Variants in CAMSAP1 observed in about 807,000 individuals in gnomAD.
CAMSAP1 encodes the protein calmodulin-regulated spectrin-associated protein 1.
A neutral mutation model predicts 143.5 loss-of-function variants in CAMSAP1; 58 were observed. That is an observed-to-expected ratio of 0.40 (90% confidence interval 0.33 to 0.50). The LOEUF (loss-of-function observed/expected upper bound fraction) is 0.50. CAMSAP1 is among the 20% of genes least tolerant of loss of function. The probability of loss-of-function intolerance (pLI) is 0.45; values close to 1 mark genes in which losing one functional copy is unlikely to be tolerated. For missense variants in CAMSAP1, 1,969 were observed against 2,115.7 expected, an observed-to-expected ratio of 0.93 and a Z score of 1.36; for synonymous variants, 945 against 859.3, an observed-to-expected ratio of 1.10 and a Z score of -1.74.
Position 135,836,281 on chromosome 9 carries a change from A to G in CAMSAP1, c.1046-8697T>C, listed in dbSNP as rs531523419. ...ACCTTTACCCATTCCGCAGCCACACATCACCACGTACCTTCTACCCTGTTC... is the reference window on the plus strand; with the variant it reads ...ACCTTTACCCATTCCGCAGCCACACGTCACCACGTACCTTCTACCCTGTTC... On this transcript the variant is annotated intron_variant, in intron 7 of 16. Transcript: ENST00000389532. 7.1e-6 allele frequency: 7 copies of G among 984,326 alleles called. No individual in the cohort carries two copies. In the South Asian group the frequency reaches 2.8e-4, roughly 40 times the overall value. The allele number at this position is 984,326 out of a possible 1,614,324, so 61.0% of individuals were successfully genotyped here. A position where few individuals can be genotyped will look rare whatever the true frequency, so the allele number is the denominator to read the frequency against.
intron 4 of CAMSAP1, among the ~76,000 whole-genome samples, chr9:135,863,668 T>G (rs1837276494): frequency 6.6e-6 from 1 of 152,198 alleles, no homozygotes; most frequent in Non-Finnish European, 1.5e-5. Context: ...TAACACATTC[T>G]CTTAAATTTA....
intron 7 of CAMSAP1, among the ~76,000 whole-genome samples, chr9:135,838,652 ACAT>A (rs1425242777): frequency 4.6e-4 from 68 of 147,070 alleles, no homozygotes; most frequent in African/African-American, 1.6e-3. Flanking sequence ...CTACAGACAC[ACAT>A]CATCACGCAC....
At chr9:135,834,356 A>G (rs1835947108) in intron 7 of CAMSAP1, among the ~76,000 whole-genome samples, 1 of 152,224 alleles carries the variant, frequency 6.6e-6, no homozygotes, top group Non-Finnish European at 1.5e-5. Context: ...GTGCACTCCC[A>G]TGTTTACTGC....
chr9:135,822,209 CA>C lies in CAMSAP1; in HGVS notation c.2451del (p.Phe817LeufsTer36). On this transcript the variant is annotated frameshift_variant, in exon 11 of 17. Coordinates refer to ENST00000389532, the MANE Select transcript of CAMSAP1 (RefSeq NM_015447.4). LOFTEE classifies it high-confidence loss of function. This position sits in a 1 kb window ranked among gnomAD's most constrained non-coding sequence, Gnocchi z 6.1. ...MASGSVKMTS[F>X]AERKLQRLNS... is the part of the protein sequence containing the mutation. ...TTGAGTCTCTGGAGCTTCCTCTCCG[CA>C]AAGCTGGTCATCTTCACGCTCCCAC... 1 of 1,613,986 alleles carries C rather than the reference CA, an allele frequency of 6.2e-7. No individual in the cohort carries two copies. The highest frequency in any genetic ancestry group is 8.5e-7 in the Non-Finnish European group (1 of 1,179,906).
intron 7 of CAMSAP1, among the ~76,000 whole-genome samples, chr9:135,843,412 T>C (rs1394404237): frequency 6.6e-6 from 1 of 151,982 alleles, no homozygotes; most frequent in African/African-American, 2.4e-5. Flanking sequence ...ACCCATCTCA[T>C]GTACAAAGAC....
chr9:135,904,892 G>A (rs1838726596), intron 1 of CAMSAP1, among the ~76,000 whole-genome samples: 1 of 152,140 alleles, frequency 6.6e-6, no homozygotes, highest in African/African-American at 2.4e-5. Context: ...TTGAACCCAG[G>A]AGGTGGCGGT....
chr9:135,901,167 T>A (rs1007992183), intron 1 of CAMSAP1, among the ~76,000 whole-genome samples: 1 of 152,242 alleles, frequency 6.6e-6, no homozygotes, highest in Non-Finnish European at 1.5e-5. Flanking sequence ...GGGCTCCCCA[T>A]GGCAGTTCAG....
At chr9:135,885,174 A>G (rs1838083568) in intron 1 of CAMSAP1, among the ~76,000 whole-genome samples, 1 of 151,820 alleles carries the variant, frequency 6.6e-6, no homozygotes, top group African/African-American at 2.4e-5. Context: ...CACTTCTCCA[A>G]ATATTGGAAG....
At chr9:135,829,850 C>CATAA (rs10625345) in intron 7 of CAMSAP1, among the ~76,000 whole-genome samples, 79,766 of 142,516 alleles carry the variant, frequency 0.56, 22,436 homozygotes, top group East Asian at 0.64. Context: ...GAGACTCTGT[C>CATAA]ATAAATAAAT....
At chr9:135,819,503 A>G (rs1330904735) in intron 11 of CAMSAP1, among the ~76,000 whole-genome samples, 1 of 152,116 alleles carries the variant, frequency 6.6e-6, no homozygotes, top group Admixed American at 6.5e-5. Flanking sequence ...GTTCAAGACC[A>G]GCCTGCCCAA....
At chr9:135,868,798 A>G (rs1837474084) in intron 3 of CAMSAP1, among the ~76,000 whole-genome samples, 1 of 151,712 alleles carries the variant, frequency 6.6e-6, no homozygotes, top group Non-Finnish European at 1.5e-5. Flanking sequence ...TTGTGTTTTT[A>G]GCAGAGACAG....
At chr9:135,840,495 C>G (rs1484417136) in intron 7 of CAMSAP1, among the ~76,000 whole-genome samples, 1 of 152,174 alleles carries the variant, frequency 6.6e-6, no homozygotes, top group Non-Finnish European at 1.5e-5. Context: ...CAGGTGAAAC[C>G]ACCTCACAAG....
intron 1 of CAMSAP1, among the ~76,000 whole-genome samples, chr9:135,888,499 G>C (rs1428726615): frequency 6.6e-6 from 1 of 152,190 alleles, no homozygotes; most frequent in African/African-American, 2.4e-5. Context: ...AAAAAGACCA[G>C]GCCACTGCAG....
intron 7 of CAMSAP1, among the ~76,000 whole-genome samples, chr9:135,830,901 T>C (rs1205772620): frequency 1.3e-5 from 2 of 152,234 alleles, no homozygotes; most frequent in Non-Finnish European, 2.9e-5. Context: ...CCAGGCGCAG[T>C]GGCTCACGCC....
At chr9:135,817,779 C>T (rs748008247) in intron 14 of CAMSAP1, 198 bp downstream of exon 14, 39 of 565,346 alleles carry the variant, frequency 6.9e-5, no homozygotes, top group Non-Finnish European at 6.7e-5. Flanking sequence ...GTGAAGGCTG[C>T]CACGTTTAAC....
intron 4 of CAMSAP1, chr9:135,865,455 G>T: frequency 7.6e-7 from 1 of 1,319,408 alleles, no homozygotes; most frequent in Non-Finnish European, 1.1e-6. Flanking sequence ...TCCCCACGGC[G>T]TTTACACGGC....
intron 1 of CAMSAP1, among the ~76,000 whole-genome samples, chr9:135,906,286 G>T (rs983904366): frequency 1.3e-5 from 2 of 152,196 alleles, no homozygotes; most frequent in Non-Finnish European, 2.9e-5. Context: ...AAAGAGGATT[G>T]CAGAAATATT....
intron 1 of CAMSAP1, among the ~76,000 whole-genome samples, chr9:135,904,902 T>C (rs1372149702): frequency 6.6e-6 from 1 of 151,918 alleles, no homozygotes; most frequent in African/African-American, 2.4e-5. Flanking sequence ...GAGGTGGCGG[T>C]TGCGGTGAGC....
At chr9:135,871,226 T>TC (rs1370215712) in intron 3 of CAMSAP1, among the ~76,000 whole-genome samples, 1 of 152,222 alleles carries the variant, frequency 6.6e-6, no homozygotes. Flanking sequence ...TCTCACCCTG[T>TC]CACCCAGGCT....
Sources: gnomAD v4.1 joint callset for allele counts (sites outside exome capture counted in the v4.1 genomes callset) on GRCh38, gnomAD v4.1.1 for gene constraint, Gnocchi (gnomAD v3.1) non-coding constraint, MANE v1.5 for transcripts, NCBI Gene and HGNC (gene_info 2026-07-23, HGNC 2026-07-21) for gene names.